Variants in CAST observed in about 807,000 individuals in gnomAD.
CAST encodes calpastatin, also known as MIR583 host.
In CAST, 76 loss-of-function variants were observed where a neutral mutation model predicts 119.6. The ratio of observed to expected loss-of-function variants is 0.64; its 90% confidence interval spans 0.53 to 0.77. The LOEUF is 0.77. Among genes scored for constraint, CAST ranks in the 30% least tolerant of loss-of-function variants. The probability of loss-of-function intolerance (pLI) is 0.00; values close to 1 mark genes in which losing one functional copy is unlikely to be tolerated. For synonymous variants in CAST, 319 were observed against 331.6 expected, an observed-to-expected ratio of 0.96 and a Z score of 0.41; for missense variants, 953 against 946.5, an observed-to-expected ratio of 1.01 and a Z score of -0.09.
At chr5:96,538,970 T>C (rs1745868005) in intron 1 of CAST, among the ~76,000 whole-genome samples, 1 of 152,210 alleles carries the variant, frequency 6.6e-6, no homozygotes, top group Admixed American at 6.5e-5. Context: ...TAGCAGCATA[T>C]CACTCTGAAT....
At chr5:96,393,413 G>T in the CAST span, 188 of 1,612,178 alleles carry the variant, frequency 1.2e-4, no homozygotes, top group Non-Finnish European at 1.6e-4. Flanking sequence ...AAGGGAAGAA[G>T]GTTCATTATT....
chr5:96,573,600 A>G (rs1462759410), intron 1 of CAST, among the ~76,000 whole-genome samples: 1 of 151,620 alleles, frequency 6.6e-6, no homozygotes, highest in Non-Finnish European at 1.5e-5. Context: ...TGATCATGCC[A>G]TTGCACTCTA....
At chr5:96,598,442 G>A (rs149526383) in intron 1 of CAST, among the ~76,000 whole-genome samples, 1 of 152,182 alleles carries the variant, frequency 6.6e-6, no homozygotes, top group Non-Finnish European at 1.5e-5. Context: ...TCCCCTCTCA[G>A]CTGCCCTGTC....
the CAST span, among the ~76,000 whole-genome samples, chr5:96,087,972 C>T: frequency 6.6e-6 from 1 of 152,192 alleles, no homozygotes; most frequent in Non-Finnish European, 1.5e-5. Context: ...AATGCATCTG[C>T]ATAGAGGCAA....
intron 1 of CAST, among the ~76,000 whole-genome samples, chr5:96,614,315 G>A (rs1226734437): frequency 6.6e-6 from 1 of 152,166 alleles, no homozygotes; most frequent in Non-Finnish European, 1.5e-5. Context: ...ATCAGAATCA[G>A]GGCCTTTCAC....
chr5:96,414,117 C>T, the CAST span, among the ~76,000 whole-genome samples: 5 of 145,796 alleles, frequency 3.4e-5, no homozygotes, highest in East Asian at 4.0e-4. Flanking sequence ...CCAGCCTGGG[C>T]GACAGAGTGA....
chr5:96,538,170 C>T (rs554130633), intron 1 of CAST, among the ~76,000 whole-genome samples: 2 of 152,290 alleles, frequency 1.3e-5, no homozygotes, highest in South Asian at 2.1e-4. Context: ...CAAGCCTTCC[C>T]GCGAGTAGCT....
the CAST span, among the ~76,000 whole-genome samples, chr5:96,035,041 G>GTA: frequency 0.12 from 12,685 of 107,690 alleles, 704 homozygotes; most frequent in African/African-American, 0.18. Flanking sequence ...TTGTATTTAA[G>GTA]TATATATATA....
At chr5:96,700,057 C>T (rs555897779) in intron 3 of CAST, among the ~76,000 whole-genome samples, 31 of 152,174 alleles carry the variant, frequency 2.0e-4, no homozygotes, top group Middle Eastern at 3.4e-3. Context: ...AGCTCTCTTC[C>T]CAGGTTCTTA....
At chr5:96,451,870 C>A in the CAST span, among the ~76,000 whole-genome samples, 5 of 152,142 alleles carry the variant, frequency 3.3e-5, no homozygotes, top group Non-Finnish European at 5.9e-5. Context: ...GACATTTATG[C>A]GGCCAACAAA....
At chr5:96,638,727 C>G (rs531604721) in intron 1 of CAST, among the ~76,000 whole-genome samples, 62 of 152,186 alleles carry the variant, frequency 4.1e-4, no homozygotes, top group Non-Finnish European at 7.5e-4. Flanking sequence ...TGGCTGTTGT[C>G]AACAATAAGG....
At chr5:96,754,540 T>A in intron 21 of CAST, 118 bp from the exon 22 acceptor site, 1 of 688,360 alleles carries the variant, frequency 1.5e-6, no homozygotes. Context: ...AAGCATACGG[T>A]CATATGTACT....
the CAST span, chr5:96,079,004 G>A: frequency 7.4e-6 from 3 of 405,590 alleles, no homozygotes; most frequent in African/African-American, 6.4e-5. Context: ...TAATACCTGG[G>A]TGATGAAATA....
At chr5:96,014,130 G>A in the CAST span, among the ~76,000 whole-genome samples, 2 of 148,436 alleles carry the variant, frequency 1.3e-5, no homozygotes, top group African/African-American at 2.5e-5. Flanking sequence ...TATTCTATAT[G>A]CTTTTTTGTA....
chr5:96,098,203 C>T, the CAST span, among the ~76,000 whole-genome samples: 34 of 152,014 alleles, frequency 2.2e-4, no homozygotes, highest in Non-Finnish European at 4.6e-4. Flanking sequence ...TGTTTAAGTT[C>T]CTTATAGATG....
chr5:96,339,651 G>A, the CAST span, among the ~76,000 whole-genome samples: 2 of 152,198 alleles, frequency 1.3e-5, no homozygotes, highest in Admixed American at 6.5e-5. Context: ...GAAGTCATAG[G>A]CATGTAGCCA....
At chr5:96,372,679 TG>T in the CAST span, among the ~76,000 whole-genome samples, 1 of 152,290 alleles carries the variant, frequency 6.6e-6, no homozygotes, top group African/African-American at 2.4e-5. Flanking sequence ...TACATCTTTC[TG>T]GGGGGCCCCA....
At chr5:96,470,519 C>A in the CAST span, among the ~76,000 whole-genome samples, 2 of 152,012 alleles carry the variant, frequency 1.3e-5, no homozygotes, top group Non-Finnish European at 2.9e-5. Flanking sequence ...TACCAGATTT[C>A]CGGTATTCAA....
At chr5:96,589,235 T>C (rs1033613810) in intron 1 of CAST, among the ~76,000 whole-genome samples, 1 of 152,158 alleles carries the variant, frequency 6.6e-6, no homozygotes, top group African/African-American at 2.4e-5. Flanking sequence ...ATAGAGTAAA[T>C]TGTCAAATGT....
Sources: gnomAD v4.1 joint callset for allele counts (sites outside exome capture counted in the v4.1 genomes callset) on GRCh38, gnomAD v4.1.1 for gene constraint, MANE v1.5 for transcripts, NCBI Gene and HGNC (gene_info 2026-07-23, HGNC 2026-07-21) for gene names.